The following PRPF6 variants were observed in gnomAD, a reference collection of about 807,000 sequenced individuals.
PRPF6 encodes the protein pre-mRNA-processing factor 6.
In PRPF6, 42 loss-of-function variants were observed where a neutral mutation model predicts 118.3. The observed-to-expected ratio is 0.35, with a 90% CI of 0.28 to 0.46. The LOEUF (loss-of-function observed/expected upper bound fraction) is 0.46. Among genes scored for constraint, PRPF6 ranks in the 20% least tolerant of loss-of-function variants. The pLI is 1.00. For missense variants in PRPF6, 662 were observed against 1,255.7 expected (o/e 0.53, Z 7.15); for synonymous variants, 481 against 485.1 (o/e 0.99, Z 0.11).
chr20:63,994,779 TA>T, intron 4 of PRPF6, 136 bp from the exon 5 acceptor site: 2 of 1,150,494 alleles, frequency 1.7e-6, no homozygotes, highest in Non-Finnish European at 1.3e-6. Context: ...AAAACAAAAG[TA>T]AAAAACAGTT....
intron 3 of PRPF6, among the ~76,000 whole-genome samples, chr20:63,989,593 G>C (rs2059109759): frequency 6.6e-6 from 1 of 151,816 alleles, no homozygotes; most frequent in South Asian, 2.1e-4. Flanking sequence ...TTGGCTCACT[G>C]CAACCTCTGC....
At chr20:64,014,745 C>T (rs1465336969) in intron 11 of PRPF6, among the ~76,000 whole-genome samples, 1 of 152,232 alleles carries the variant, frequency 6.6e-6, no homozygotes, top group Non-Finnish European at 1.5e-5. Flanking sequence ...CTGCCTACGT[C>T]AAACATGCTC....
intron 3 of PRPF6, 120 bp from the exon 4 acceptor site, chr20:63,993,287 T>TATATA: frequency 3.8e-6 from 2 of 530,052 alleles, no homozygotes; most frequent in South Asian, 1.7e-5. Flanking sequence ...TATATATATA[T>TATATA]TTGATTTAGC....
At chr20:63,998,684 A>G (rs1020156022) in intron 6 of PRPF6, among the ~76,000 whole-genome samples, 3 of 151,476 alleles carry the variant, frequency 2.0e-5, no homozygotes, top group Admixed American at 6.6e-5. Context: ...TACTAAAAAT[A>G]CAAAAAAATT....
intron 6 of PRPF6, among the ~76,000 whole-genome samples, chr20:63,996,211 C>T (rs2059140407): frequency 3.3e-5 from 5 of 152,034 alleles, no homozygotes; most frequent in Admixed American, 2.6e-4. Context: ...TGGTGGCGGG[C>T]GCCTGTAATC....
rs760803494 is a variant in PRPF6, at chr20:63,999,811, C to T, written c.1023+52C>T. 4.4e-6 allele frequency: 7 copies of T among 1,600,762 alleles called. No homozygotes were observed. In the East Asian group the frequency reaches 9.0e-5, roughly 21 times the overall value. ...CTGGGAGGCTGCGTGATTGTGGCCCCTACGGGAGTAAACTTGTTAGAGCAA... is the reference window on the plus strand; with the variant it reads ...CTGGGAGGCTGCGTGATTGTGGCCCTTACGGGAGTAAACTTGTTAGAGCAA... On this transcript the variant is annotated intron_variant, in intron 8 of 20. Coordinates refer to ENST00000266079, the MANE Select transcript of PRPF6 (RefSeq NM_012469.4).
rs779813056 is a variant in PRPF6 at position 63,999,600 on chromosome 20, T to C, written c.867-3T>C. On this transcript the variant is annotated splice_region_variant and splice_polypyrimidine_tract_variant and intron_variant, in intron 7 of 20. Transcript: ENST00000266079. ...GATGCCGTGTGCACTCTCCCTCTCA[T>C]AGTGATATCAAGAAGGCGCGACTGC... 6.2e-7 allele frequency: 1 copy of C among 1,614,006 alleles called. No homozygotes were observed. The highest frequency in any genetic ancestry group is 8.5e-7 in the Non-Finnish European group (1 of 1,180,030).
intron 12 of PRPF6, among the ~76,000 whole-genome samples, chr20:64,022,174 A>G (rs1228812554): frequency 1.3e-5 from 2 of 152,214 alleles, no homozygotes; most frequent in Non-Finnish European, 2.9e-5. Context: ...TCTTGTCCTC[A>G]TCCTCAGGCT....
chr20:64,017,472 G>T (rs971651061), intron 12 of PRPF6, among the ~76,000 whole-genome samples: 5 of 149,362 alleles, frequency 3.3e-5, no homozygotes, highest in Non-Finnish European at 1.5e-5. Context: ...CTCCCAGAGT[G>T]CTGGGATCAC....
At chr20:64,001,678 G>A (rs549594611) in intron 9 of PRPF6, among the ~76,000 whole-genome samples, 4 of 152,236 alleles carry the variant, frequency 2.6e-5, no homozygotes, top group Non-Finnish European at 5.9e-5. Flanking sequence ...AGAGCCACAC[G>A]TTGATTGAAC....
At position 64,026,844 on chromosome 20, in the gene PRPF6, T is replaced by G; in HGVS notation, c.2029-138T>G. On this transcript the variant is annotated intron_variant, in intron 15 of 20. Transcript: ENST00000266079. The surrounding 1 kb of genome is among the most constrained non-coding windows in gnomAD (Gnocchi z 4.4). ...CAAAAACATATATTTATCCCCACCT[T>G]TTGTGTACACAAACAGGCTATGAAA... The G allele has an allele frequency of 1.1e-6, 1 of 889,462 alleles. No individual in the cohort carries two copies. The highest frequency in any genetic ancestry group is 1.8e-6 in the Non-Finnish European group (1 of 549,850). 55.1% of individuals were successfully genotyped at this position (889,462 alleles called of 1,614,324 possible). A position where few individuals can be genotyped will look rare whatever the true frequency, so the allele number is the denominator to read the frequency against.
At chr20:64,030,585 CT>C (rs2059310247) in intron 19 of PRPF6, among the ~76,000 whole-genome samples, 1 of 152,176 alleles carries the variant, frequency 6.6e-6, no homozygotes, top group South Asian at 2.1e-4. Context: ...CTGCCTGGTG[CT>C]ACCTTGGTCC....
chr20:64,023,279 G>T (rs1228038724), intron 13 of PRPF6, among the ~76,000 whole-genome samples: 1 of 152,192 alleles, frequency 6.6e-6, no homozygotes, highest in Non-Finnish European at 1.5e-5. Flanking sequence ...CTGGCTTTGG[G>T]TTTTGACTGG....
chr20:64,024,561 C>G lies in PRPF6; in HGVS notation c.1776C>G (p.Ser592=). The part of the protein sequence containing the change: ...YFEKNHGTRE[S]LEALLQRAVA... ...GTGGCCTCTTATCTTGCAGGGAGTC[C>G]CTGGAAGCACTCCTGCAGAGGGCTG... The change falls in exon 14 of 21, where the codon TCC becomes TCG. Residue 592 remains serine (S), a synonymous_variant. Coordinates refer to ENST00000266079, the MANE Select transcript of PRPF6 (RefSeq NM_012469.4). 2 of 1,613,454 alleles carry G rather than the reference C, an allele frequency of 1.2e-6. No individual in the cohort carries two copies. The highest frequency in any genetic ancestry group is 1.7e-6 in the Non-Finnish European group (2 of 1,180,020).
intron 3 of PRPF6, 33 bp from the exon 4 acceptor site, chr20:63,993,374 G>C: frequency 6.6e-7 from 1 of 1,524,444 alleles, no homozygotes; most frequent in South Asian, 1.1e-5. Flanking sequence ...CAGACATGCA[G>C]TGTTTCTGAT....
chr20:64,019,501 T>C (rs2059253655), intron 12 of PRPF6, among the ~76,000 whole-genome samples: 1 of 152,162 alleles, frequency 6.6e-6, no homozygotes, highest in Non-Finnish European at 1.5e-5. Context: ...TGCCCAGAAG[T>C]GTGCTGTGGT....
chr20:64,018,082 G>T (rs1191503023), intron 12 of PRPF6, among the ~76,000 whole-genome samples: 1 of 152,200 alleles, frequency 6.6e-6, no homozygotes, highest in Non-Finnish European at 1.5e-5. Flanking sequence ...TGTAGTCCCA[G>T]CTACTCAGGA....
rs767110150 is a variant in PRPF6 at position 64,024,627 on chromosome 20, C to A, written c.1842C>A (p.Gly614=). The A allele has an allele frequency of 3.1e-6, 5 of 1,613,674 alleles. No homozygotes were observed. The East Asian group carries it at 1.1e-4, about 36-fold the overall frequency. ...CPKAEVLWLM[G]AKSKWLAGDV... ...AAGCAGAGGTGCTGTGGCTCATGGG[C>A]GCCAAGTCCAAGTGGCTGGCAGGGG... Residue 614 remains glycine, a synonymous_variant, in exon 14 of 21, where the codon GGC becomes GGA. Transcript: ENST00000266079.
At position 64,029,508 on chromosome 20, in the gene PRPF6, C is replaced by T; in HGVS notation, c.2546+17C>T. On this transcript the variant is annotated intron_variant, in intron 19 of 20. Transcript: ENST00000266079. The surrounding 1 kb of genome is among the most constrained non-coding windows in gnomAD (Gnocchi z 4.8). ...CGTGGCCAAGTGAGTGGGGCCCCCA[C>T]AGGATTGCTGAACCTCGGGGTCCTA... 6.2e-7 allele frequency: 1 copy of T among 1,607,852 alleles called. No homozygotes were observed. Among genetic ancestry groups the T allele is most frequent in the Non-Finnish European group, 8.5e-7 (1 of 1,174,510 alleles).
Sources: allele counts gnomAD v4.1 joint callset (sites outside exome capture counted in the v4.1 genomes callset), GRCh38; gene constraint gnomAD v4.1.1; non-coding constraint Gnocchi (gnomAD v3.1); transcripts MANE v1.5; gene names NCBI Gene and HGNC (gene_info 2026-07-23, HGNC 2026-07-21).